Variants in CDH13 observed in about 807,000 individuals in gnomAD.
CDH13 encodes the protein cadherin 13.
Under a neutral mutation model 63.8 loss-of-function variants are expected in CDH13, and 24 were observed. The ratio of observed to expected loss-of-function variants is 0.38; its 90% CI spans 0.27 to 0.53. The LOEUF (loss-of-function observed/expected upper bound fraction) is 0.53, where lower values mean the gene tolerates loss of function less well. CDH13 is among the 20% of genes least tolerant of loss of function. The pLI is 0.85. For missense variants in CDH13, 1,049 were observed against 903.1 expected (o/e 1.16, Z -2.07); for synonymous variants, 503 against 355.3 (o/e 1.42, Z -4.67).
intron 6 of CDH13, among the ~76,000 whole-genome samples, chr16:83,399,753 C>T (rs1275428739): frequency 6.6e-6 from 1 of 152,156 alleles, no homozygotes; most frequent in Non-Finnish European, 1.5e-5. Flanking sequence ...ACGCTAGACT[C>T]TGGGCTCCAG....
At chr16:83,301,765 C>G (rs1007436011) in intron 5 of CDH13, among the ~76,000 whole-genome samples, 1 of 152,080 alleles carries the variant, frequency 6.6e-6, no homozygotes, top group African/African-American at 2.4e-5. Context: ...CAAAAATTTA[C>G]ATCATTTCCT....
chr16:83,079,723 T>C (rs1329114592), intron 3 of CDH13, among the ~76,000 whole-genome samples: 1 of 152,230 alleles, frequency 6.6e-6, no homozygotes, highest in Non-Finnish European at 1.5e-5. Context: ...TCTTCCTTTT[T>C]ATAAATAAAC....
At chr16:83,502,732 C>T (rs2074309877) in intron 7 of CDH13, among the ~76,000 whole-genome samples, 3 of 152,126 alleles carry the variant, frequency 2.0e-5, no homozygotes, top group African/African-American at 4.8e-5. Context: ...AGCTTCATGG[C>T]CGTTAGCATT....
chr16:83,739,505 G>A (rs1285723628), intron 10 of CDH13, among the ~76,000 whole-genome samples: 1 of 152,016 alleles, frequency 6.6e-6, no homozygotes, highest in South Asian at 2.1e-4. Context: ...GCTGTGTTCT[G>A]TGGGCCTTCC....
At chr16:82,965,470 T>A (rs557167066) in intron 2 of CDH13, among the ~76,000 whole-genome samples, 1 of 152,368 alleles carries the variant, frequency 6.6e-6, no homozygotes, top group African/African-American at 2.4e-5. Context: ...TTTCAAATAT[T>A]CCATTGCAAA....
chr16:82,896,309 T>TTTTTTTTA, intron 2 of CDH13, among the ~76,000 whole-genome samples: 1 of 105,354 alleles, frequency 9.5e-6, no homozygotes, highest in East Asian at 2.6e-4. Context: ...TTTTTTTTTT[T>TTTTTTTTA]GAAACAAGGT....
chr16:83,337,124 T>G (rs558380945), intron 5 of CDH13, among the ~76,000 whole-genome samples: 56 of 152,344 alleles, frequency 3.7e-4, no homozygotes, highest in Non-Finnish European at 7.3e-4. Context: ...TCAAAGCATT[T>G]TACGTACAGC....
chr16:83,073,975 C>T (rs931703228), intron 3 of CDH13, among the ~76,000 whole-genome samples: 1 of 152,146 alleles, frequency 6.6e-6, no homozygotes, highest in African/African-American at 2.4e-5. Context: ...AATCATTTAT[C>T]ATTTCTATGT....
At chr16:83,137,329 A>G (rs77512509) in intron 4 of CDH13, among the ~76,000 whole-genome samples, 1 of 152,180 alleles carries the variant, frequency 6.6e-6, no homozygotes, top group Non-Finnish European at 1.5e-5. Context: ...AGGCTGGAAA[A>G]TTCTGCAGCA....
intron 7 of CDH13, among the ~76,000 whole-genome samples, chr16:83,518,254 C>A (rs1446814649): frequency 6.6e-6 from 1 of 151,882 alleles, no homozygotes; most frequent in Non-Finnish European, 1.5e-5. Flanking sequence ...TGCCATTCTC[C>A]TGCCTCAGCC....
chr16:83,404,606 C>G (rs2092014569), intron 6 of CDH13, among the ~76,000 whole-genome samples: 1 of 152,194 alleles, frequency 6.6e-6, no homozygotes, highest in Non-Finnish European at 1.5e-5. Context: ...TGTGTGTGCA[C>G]ACACCCCCTC....
At chr16:83,188,052 A>T (rs543073927) in intron 4 of CDH13, among the ~76,000 whole-genome samples, 2 of 152,270 alleles carry the variant, frequency 1.3e-5, no homozygotes, top group East Asian at 3.9e-4. Context: ...GGAGCAAGGG[A>T]ATGTTAGATA....
At chr16:82,733,215 T>C (rs1376233356) in intron 1 of CDH13, among the ~76,000 whole-genome samples, 1 of 152,200 alleles carries the variant, frequency 6.6e-6, no homozygotes, top group Non-Finnish European at 1.5e-5. Flanking sequence ...AGTGAGGACA[T>C]GCAGAAAATC....
At chr16:83,366,824 C>G (rs2091266624) in intron 6 of CDH13, among the ~76,000 whole-genome samples, 1 of 152,180 alleles carries the variant, frequency 6.6e-6, no homozygotes, top group East Asian at 1.9e-4. Context: ...CACTTAGGAA[C>G]TCTCAAAAAA....
intron 8 of CDH13, 133 bp from the exon 9 acceptor site, chr16:83,670,657 T>C (rs2150856323): frequency 1.2e-6 from 1 of 844,486 alleles, no homozygotes; most frequent in Non-Finnish European, 1.9e-6. Flanking sequence ...CATAGTATCT[T>C]CCAACCGTAA....
intron 2 of CDH13, among the ~76,000 whole-genome samples, chr16:82,876,724 G>A (rs1300886712): frequency 6.6e-6 from 1 of 152,174 alleles, no homozygotes; most frequent in African/African-American, 2.4e-5. Context: ...TGATTGGCCT[G>A]GCATTGGGTC....
At chr16:83,680,490 G>A (rs1247850255) in intron 10 of CDH13, among the ~76,000 whole-genome samples, 1 of 152,190 alleles carries the variant, frequency 6.6e-6, no homozygotes, top group African/African-American at 2.4e-5. Context: ...TGGGGAGGGA[G>A]GGGTGCCTGG....
chr16:83,055,330 T>C (rs2030807208), intron 3 of CDH13, among the ~76,000 whole-genome samples: 1 of 151,856 alleles, frequency 6.6e-6, no homozygotes, highest in South Asian at 2.1e-4. Flanking sequence ...ATAAAGTTTG[T>C]TCTTTGAAAG....
chr16:83,311,577 A>G (rs1012629404), intron 5 of CDH13, among the ~76,000 whole-genome samples: 1 of 152,206 alleles, frequency 6.6e-6, no homozygotes, highest in African/African-American at 2.4e-5. Context: ...TACAGAGTTT[A>G]AAACTGAGTC....
Sources: allele counts gnomAD v4.1 joint callset (sites outside exome capture counted in the v4.1 genomes callset), GRCh38; gene constraint gnomAD v4.1.1; transcripts MANE v1.5; gene names NCBI Gene and HGNC (gene_info 2026-07-23, HGNC 2026-07-21).